COL6A5: variants seen among roughly 807,000 people sequenced by gnomAD.
COL6A5 encodes the protein collagen type VI alpha 5 chain, also known as collagen alpha-5(VI) chain.
In COL6A5, 48 loss-of-function variants were observed where a neutral mutation model predicts 65.6. The ratio of observed to expected loss-of-function variants is 0.73; its 90% CI spans 0.58 to 0.93. The LOEUF (loss-of-function observed/expected upper bound fraction) is 0.93, where lower values mean the gene tolerates loss of function less well. Among genes scored for constraint, COL6A5 ranks in the 40% least tolerant of loss-of-function variants. The pLI, the probability that COL6A5 is intolerant of heterozygous loss-of-function variation, is 0.00. For missense variants in COL6A5, 914 were observed against 928.3 expected (o/e 0.98, Z 0.20); for synonymous variants, 291 against 322.8 (o/e 0.90, Z 1.05).
chr3:130,366,633 A>G (rs1436887989), intron 1 of COL6A5, among the ~76,000 whole-genome samples: 2 of 152,238 alleles, frequency 1.3e-5, no homozygotes, highest in Admixed American at 6.5e-5. Flanking sequence ...ACTTTAGAGT[A>G]TATCAAGGGC....
intron 17 of COL6A5, 25 bp from the exon 18 acceptor site, chr3:130,409,301 C>G (rs1559886268): frequency 6.5e-7 from 1 of 1,530,346 alleles, no homozygotes; most frequent in Non-Finnish European, 8.8e-7. Flanking sequence ...CAAGCTAACT[C>G]AGAAATTCAT....
intron 1 of COL6A5, among the ~76,000 whole-genome samples, chr3:130,432,351 G>A (rs1400800052): frequency 2.0e-5 from 3 of 152,008 alleles, no homozygotes; most frequent in Admixed American, 1.3e-4. Context: ...TCAGGAGATC[G>A]AGACCATCCT....
At chr3:130,350,352 A>G (rs888957108) in intron 1 of COL6A5, among the ~76,000 whole-genome samples, 12 of 152,348 alleles carry the variant, frequency 7.9e-5, no homozygotes, top group African/African-American at 2.6e-4. Flanking sequence ...TTCAATTAGG[A>G]AAAGAGGAAG....
chr3:130,437,665 T>A (rs1199137484), intron 1 of COL6A5, among the ~76,000 whole-genome samples: 4 of 152,106 alleles, frequency 2.6e-5, no homozygotes. Flanking sequence ...TTGTTCTCTC[T>A]CACTCCATCC....
intron 7 of COL6A5, among the ~76,000 whole-genome samples, chr3:130,474,225 A>G (rs1041774493): frequency 5.9e-5 from 9 of 152,048 alleles, no homozygotes; most frequent in African/African-American, 2.2e-4. Flanking sequence ...TATGAGAAAG[A>G]CCCTAAAAAG....
chr3:130,461,792 T>C (rs1280647234), intron 5 of COL6A5, among the ~76,000 whole-genome samples: 5 of 151,772 alleles, frequency 3.3e-5, no homozygotes, highest in Non-Finnish European at 7.4e-5. Flanking sequence ...AACCTTCTTA[T>C]AAACTCATCC....
At chr3:130,361,284 A>C (rs1227813642) in intron 1 of COL6A5, among the ~76,000 whole-genome samples, 1 of 152,058 alleles carries the variant, frequency 6.6e-6, no homozygotes, top group African/African-American at 2.4e-5. Context: ...AAATCTTTTT[A>C]CTGTCTTTGT....
Position 130,445,554 on chromosome 3 carries a change from A to G in COL6A5, c.1332+1988A>G, listed in dbSNP as rs533970428. On this transcript the variant is annotated intron_variant, in intron 4 of 7. Transcript: ENST00000512836. ...ACTGAGAGAGTGGGACAGTAGTGGG[A>G]ACAACAGACAGAATAGTTTTCCCTT... Among the ~76,000 whole-genome samples the G allele has an allele frequency of 1.1e-3, 173 of 152,274 alleles. 2 individuals carry two copies. The highest frequency in any genetic ancestry group is 3.4e-3 in the African/African-American group (143 of 41,564).
At chr3:130,345,880 G>A (rs1193456662) in exon 1 of COL6A5, 4 of 398,502 alleles carry the variant, frequency 1.0e-5, no homozygotes, top group Non-Finnish European at 1.8e-5. Flanking sequence ...GGGCGCCCGA[G>A]AGGCGCGCGT....
At chr3:130,373,778 A>G in intron 2 of COL6A5, 73 bp downstream of exon 2, 2 of 912,586 alleles carry the variant, frequency 2.2e-6, no homozygotes. Flanking sequence ...ATAAACAGCA[A>G]GAAATAATTT....
rs571114310 is a variant in COL6A5, at chr3:130,478,906, G to T, written c.2329-5129G>T. 2.6e-5 allele frequency among the ~76,000 whole-genome samples: 4 copies of T among 152,170 alleles called. No homozygotes were observed. The South Asian group carries it at 8.3e-4, about 32-fold the overall frequency. On this transcript the variant is annotated intron_variant, in intron 7 of 7. Transcript: ENST00000512836. Reference sequence around the variant, plus strand: ...ATCATGGAGTGAGGGTGATAGCAATGATGATAAATTTCATTTTGTAATCTG... The same window carrying T: ...ATCATGGAGTGAGGGTGATAGCAATTATGATAAATTTCATTTTGTAATCTG...
chr3:130,418,655 T>C (rs1184879600), intron 24 of COL6A5, among the ~76,000 whole-genome samples: 3 of 152,036 alleles, frequency 2.0e-5, no homozygotes, highest in Admixed American at 6.6e-5. Context: ...TTTATAACAC[T>C]GGAAAAGCAG....
At chr3:130,392,477 G>T (rs1367999854) in intron 7 of COL6A5, among the ~76,000 whole-genome samples, 1 of 152,156 alleles carries the variant, frequency 6.6e-6, no homozygotes, top group Non-Finnish European at 1.5e-5. Flanking sequence ...TCTAGGAAGG[G>T]CTGCTGTGCC....
chr3:130,402,388 A>G (rs190780633), intron 12 of COL6A5, among the ~76,000 whole-genome samples: 1 of 152,358 alleles, frequency 6.6e-6, no homozygotes, highest in African/African-American at 2.4e-5. Context: ...ATAAAATATT[A>G]TACAACAATA....
intron 3 of COL6A5, among the ~76,000 whole-genome samples, chr3:130,378,567 A>G (rs1559867137): frequency 6.6e-6 from 1 of 152,070 alleles, no homozygotes; most frequent in Non-Finnish European, 1.5e-5. Context: ...TTTAAATAAG[A>G]TCATGTGACT....
At chr3:130,401,731 T>C (rs1376847144) in intron 11 of COL6A5, 31 bp from the exon 12 acceptor site, 2 of 1,464,572 alleles carry the variant, frequency 1.4e-6, no homozygotes, top group Non-Finnish European at 1.9e-6. Context: ...TGACAATTGC[T>C]ATTCCCTCAG....
At chr3:130,476,388 G>A (rs994608907) in intron 7 of COL6A5, among the ~76,000 whole-genome samples, 4 of 152,050 alleles carry the variant, frequency 2.6e-5, no homozygotes, top group African/African-American at 7.2e-5. Context: ...AAATTTGTGG[G>A]CAAGAGACAC....
intron 5 of COL6A5, among the ~76,000 whole-genome samples, chr3:130,456,961 T>TG (rs1402658565): frequency 6.6e-6 from 1 of 152,112 alleles, no homozygotes; most frequent in Non-Finnish European, 1.5e-5. Context: ...AATCATTAGT[T>TG]GAAAAATAGG....
intron 1 of COL6A5, among the ~76,000 whole-genome samples, chr3:130,362,657 A>G (rs1935185796): frequency 6.6e-6 from 1 of 152,154 alleles, no homozygotes; most frequent in Admixed American, 6.5e-5. Flanking sequence ...CAGTTTGTCA[A>G]TATCAAAATA....
Sources: gnomAD v4.1 joint callset for allele counts (sites outside exome capture counted in the v4.1 genomes callset) on GRCh38, gnomAD v4.1.1 for gene constraint, MANE v1.5 for transcripts, NCBI Gene and HGNC (gene_info 2026-07-23, HGNC 2026-07-21) for gene names.